The following CDC14A variants were observed in gnomAD, a reference collection of about 807,000 sequenced individuals.
The protein encoded by CDC14A is dual specificity protein phosphatase CDC14A.
Under a neutral mutation model 74.4 loss-of-function variants are expected in CDC14A, and 53 were observed. The observed-to-expected ratio is 0.71, with a 90% CI of 0.57 to 0.89. CDC14A has a LOEUF of 0.89. Among genes scored for constraint, CDC14A ranks in the 40% least tolerant of loss-of-function variants. The pLI is 0.00. For synonymous variants in CDC14A, 247 were observed against 258.4 expected, an observed-to-expected ratio of 0.96 and a Z score of 0.43; for missense variants, 646 against 713.7, an observed-to-expected ratio of 0.91 and a Z score of 1.08.
At chr1:100,436,461 G>A (rs1664353362) in intron 5 of CDC14A, among the ~76,000 whole-genome samples, 1 of 151,368 alleles carries the variant, frequency 6.6e-6, no homozygotes, top group South Asian at 2.1e-4. Flanking sequence ...GTCTCACTCT[G>A]TTGCCCAGAC....
chr1:100,435,146 A>C (rs1664176534), intron 5 of CDC14A, among the ~76,000 whole-genome samples: 1 of 152,120 alleles, frequency 6.6e-6, no homozygotes, highest in African/African-American at 2.4e-5. Flanking sequence ...GAGTGAGAAG[A>C]ATTTTGGTCT....
At chr1:100,414,763 G>C (rs531948829) in intron 4 of CDC14A, among the ~76,000 whole-genome samples, 3 of 152,206 alleles carry the variant, frequency 2.0e-5, no homozygotes, top group African/African-American at 7.2e-5. Context: ...GTTCTACAGG[G>C]TTATATTTAG....
intron 7 of CDC14A, among the ~76,000 whole-genome samples, chr1:100,445,815 G>A (rs983417685): frequency 2.0e-5 from 3 of 152,194 alleles, no homozygotes; most frequent in Admixed American, 1.3e-4. Context: ...TTTTGGTGAA[G>A]ACTTGATGTT....
At chr1:100,470,416 A>G (rs1027215430) in intron 10 of CDC14A, among the ~76,000 whole-genome samples, 1 of 151,992 alleles carries the variant, frequency 6.6e-6, no homozygotes, top group Non-Finnish European at 1.5e-5. Flanking sequence ...TTCTAATATT[A>G]TACTGGAAAT....
chr1:100,486,454 A>G (rs1053221582), intron 11 of CDC14A, among the ~76,000 whole-genome samples: 2 of 152,200 alleles, frequency 1.3e-5, no homozygotes, highest in African/African-American at 4.8e-5. Context: ...GTAACAAAAC[A>G]CTACAGGCTA....
intron 10 of CDC14A, among the ~76,000 whole-genome samples, chr1:100,483,082 T>C (rs989635372): frequency 6.6e-6 from 1 of 152,182 alleles, no homozygotes; most frequent in African/African-American, 2.4e-5. Flanking sequence ...GGTAGAATGA[T>C]TTATATTCCT....
chr1:100,515,577 G>A (rs1650144773), intron 15 of CDC14A, among the ~76,000 whole-genome samples: 1 of 152,018 alleles, frequency 6.6e-6, no homozygotes, highest in Non-Finnish European at 1.5e-5. Flanking sequence ...TGGTGATGGA[G>A]TTTCGCCATG....
chr1:100,385,746 G>A (rs12096135), intron 3 of CDC14A, among the ~76,000 whole-genome samples: 19,841 of 152,082 alleles, frequency 0.13, 1,504 homozygotes, highest in Non-Finnish European at 0.16. Context: ...TCTGGGAGAC[G>A]TTATGTGTCT....
At chr1:100,487,433 A>G (rs1191427916) in intron 11 of CDC14A, among the ~76,000 whole-genome samples, 1 of 152,124 alleles carries the variant, frequency 6.6e-6, no homozygotes, top group African/African-American at 2.4e-5. Context: ...GTGATGGCAC[A>G]TGCCTGTAGT....
intron 15 of CDC14A, among the ~76,000 whole-genome samples, chr1:100,514,109 C>G (rs1650003840): frequency 3.3e-5 from 1 of 30,544 alleles, no homozygotes; most frequent in Admixed American, 6.4e-4. Flanking sequence ...ATTAAAATCT[C>G]TTGGTTATAT....
chr1:100,520,244 C>G lies in CDC14A; in HGVS notation c.*1964C>G, dbSNP rs1459786448. The G allele has an allele frequency of 1.3e-5, 2 of 152,504 alleles. No homozygotes were observed. The highest frequency in any genetic ancestry group is 2.9e-5 in the Non-Finnish European group (2 of 67,978). 9.4% of individuals were successfully genotyped at this position (152,504 alleles called of 1,614,324 possible). A position where few individuals can be genotyped will look rare whatever the true frequency, so the allele number is the denominator to read the frequency against. On this transcript the variant is annotated 3_prime_UTR_variant, in exon 16 of 16. Transcript: ENST00000336454. Reference sequence around the variant, plus strand: ...CTATTTTAAAGTGTAGAAGAATACACTGCTAATAAATAATAAAAGTTTTAT... The same window carrying G: ...CTATTTTAAAGTGTAGAAGAATACAGTGCTAATAAATAATAAAAGTTTTAT...
chr1:100,418,332 G>A (rs911945654), intron 4 of CDC14A, among the ~76,000 whole-genome samples: 1 of 152,116 alleles, frequency 6.6e-6, no homozygotes, highest in African/African-American at 2.4e-5. Context: ...TTGAGTTTAG[G>A]TCTAATGAAA....
intron 5 of CDC14A, among the ~76,000 whole-genome samples, chr1:100,424,630 A>C (rs547126944): frequency 7.2e-5 from 11 of 152,166 alleles, no homozygotes; most frequent in Non-Finnish European, 1.6e-4. Flanking sequence ...TCATTGATTC[A>C]TCCATTCATT....
intron 4 of CDC14A, among the ~76,000 whole-genome samples, chr1:100,412,982 G>A (rs1320094360): frequency 1.3e-5 from 2 of 150,898 alleles, no homozygotes; most frequent in Admixed American, 6.6e-5. Flanking sequence ...ACTTAAACCC[G>A]GGAGATGGAG....
At chr1:100,500,459 T>A (rs908664715) in intron 15 of CDC14A, among the ~76,000 whole-genome samples, 5 of 152,090 alleles carry the variant, frequency 3.3e-5, no homozygotes, top group African/African-American at 1.2e-4. Flanking sequence ...GTTGACAGTT[T>A]AGAAACCATG....
intron 7 of CDC14A, among the ~76,000 whole-genome samples, chr1:100,445,213 G>C (rs1028873954): frequency 6.6e-6 from 1 of 152,146 alleles, no homozygotes; most frequent in African/African-American, 2.4e-5. Flanking sequence ...ACAAACAATA[G>C]TAAGACACTC....
chr1:100,388,547 A>G (rs1054538650), intron 3 of CDC14A, among the ~76,000 whole-genome samples: 3 of 152,182 alleles, frequency 2.0e-5, no homozygotes, highest in Non-Finnish European at 4.4e-5. Context: ...CTGTCAGGAA[A>G]TAAGGGCATT....
At chr1:100,380,341 GTTC>G (rs1465095085) in intron 3 of CDC14A, among the ~76,000 whole-genome samples, 4 of 152,252 alleles carry the variant, frequency 2.6e-5, no homozygotes, top group South Asian at 4.2e-4. Context: ...CATTTTTCCT[GTTC>G]TTCTTTCCAC....
chr1:100,494,947 C>A lies in CDC14A; in HGVS notation c.1250+17C>A. ...TGCATTTAGGTAGATCTGTTTTAAACACTTCAATTTATAGTGTGCTTCCCT... is the reference window on the plus strand; with the variant it reads ...TGCATTTAGGTAGATCTGTTTTAAAAACTTCAATTTATAGTGTGCTTCCCT... On this transcript the variant is annotated intron_variant, in intron 12 of 15. Transcript: ENST00000336454. 1.5e-6 allele frequency: 2 copies of A among 1,306,840 alleles called. No individual in the cohort carries two copies. The highest frequency in any genetic ancestry group is 2.2e-6 in the Non-Finnish European group (2 of 903,294). 81.0% of individuals were successfully genotyped at this position (1,306,840 alleles called of 1,614,324 possible).
Sources: gnomAD v4.1 joint callset for allele counts (sites outside exome capture counted in the v4.1 genomes callset) on GRCh38, gnomAD v4.1.1 for gene constraint, MANE v1.5 for transcripts, NCBI Gene and HGNC (gene_info 2026-07-23, HGNC 2026-07-21) for gene names.